CRACDL: variants seen among roughly 807,000 people sequenced by gnomAD.
CRACDL encodes the protein CRACD-like protein.
Under a neutral mutation model 70.6 loss-of-function variants are expected in CRACDL, and 26 were observed. The observed-to-expected ratio is 0.37, with a 90% CI of 0.27 to 0.51. The LOEUF is 0.51. Among genes scored for constraint, CRACDL ranks in the 20% least tolerant of loss-of-function variants. The pLI, the probability that CRACDL is intolerant of heterozygous loss-of-function variation, is 0.94. For synonymous variants in CRACDL, 618 were observed against 615.2 expected, an observed-to-expected ratio of 1.00 and a Z score of -0.07; for missense variants, 1,283 against 1,376.9, an observed-to-expected ratio of 0.93 and a Z score of 1.08.
At chr2:98,898,733 G>T (rs1170254456) in intron 1 of CRACDL, among the ~76,000 whole-genome samples, 1 of 152,204 alleles carries the variant, frequency 6.6e-6, no homozygotes, top group Non-Finnish European at 1.5e-5. Flanking sequence ...GGGAGGCCAC[G>T]TGTCCCATCC....
rs1703779902 is a variant in CRACDL at position 98,795,453 on chromosome 2, T to C, written c.2749+667A>G. Among the ~76,000 whole-genome samples, 3 of 151,996 alleles carry C rather than the reference T, an allele frequency of 2.0e-5. No homozygotes were observed. In the South Asian group the frequency reaches 6.2e-4, roughly 32 times the overall value. ...GCTATGCTCAGTGAAAGACGCCAGA[T>C]ATAAAAGGGTACATACGTTAGGATT... On this transcript the variant is annotated intron_variant, in intron 9 of 9. Transcript: ENST00000397899.
chr2:98,836,005 T>C (rs1705763122), intron 3 of CRACDL, among the ~76,000 whole-genome samples: 1 of 152,082 alleles, frequency 6.6e-6, no homozygotes, highest in South Asian at 2.1e-4. Flanking sequence ...TCGAATGATG[T>C]ACCGGGAATT....
chr2:98,923,202 CG>C (rs1708843906), intron 1 of CRACDL, among the ~76,000 whole-genome samples: 1 of 147,198 alleles, frequency 6.8e-6, no homozygotes, highest in Non-Finnish European at 1.5e-5. Flanking sequence ...ACCCAGGAGG[CG>C]AAAGTTGCAG....
At chr2:98,851,145 C>T (rs1706465624) in intron 1 of CRACDL, among the ~76,000 whole-genome samples, 1 of 152,156 alleles carries the variant, frequency 6.6e-6, no homozygotes, top group Non-Finnish European at 1.5e-5. Context: ...CGGTACCGTT[C>T]TTTCACATTG....
At chr2:98,837,063 C>T (rs780268909) in intron 3 of CRACDL, among the ~76,000 whole-genome samples, 11 of 144,224 alleles carry the variant, frequency 7.6e-5, no homozygotes, top group Non-Finnish European at 1.0e-4. Context: ...CCAGCCTGGG[C>T]GACAGAGCGA....
intron 1 of CRACDL, among the ~76,000 whole-genome samples, chr2:98,852,336 C>G (rs1706513295): frequency 6.6e-6 from 1 of 152,166 alleles, no homozygotes; most frequent in Non-Finnish European, 1.5e-5. Flanking sequence ...AGACAGAGTT[C>G]ACAGGTAACA....
chr2:98,859,090 C>T (rs865925319), intron 1 of CRACDL, among the ~76,000 whole-genome samples: 5 of 152,164 alleles, frequency 3.3e-5, no homozygotes, highest in African/African-American at 1.2e-4. Flanking sequence ...CCTTCACAAA[C>T]GCCTCTCAAA....
chr2:98,806,579 C>T (rs1234582714), intron 7 of CRACDL, among the ~76,000 whole-genome samples: 1 of 152,220 alleles, frequency 6.6e-6, no homozygotes, highest in East Asian at 1.9e-4. Flanking sequence ...GCTAAACTGC[C>T]GCTGCCTGTG....
intron 8 of CRACDL, among the ~76,000 whole-genome samples, chr2:98,796,577 A>G (rs1277802808): frequency 1.3e-5 from 2 of 152,238 alleles, no homozygotes; most frequent in Non-Finnish European, 1.5e-5. Context: ...TGTGATTTTT[A>G]TGACAGTTGG....
chr2:98,883,196 T>C (rs1707704973), intron 1 of CRACDL, among the ~76,000 whole-genome samples: 1 of 152,120 alleles, frequency 6.6e-6, no homozygotes, highest in Non-Finnish European at 1.5e-5. Flanking sequence ...TCTGTGCCCA[T>C]TGGGAGCAGG....
chr2:98,908,634 G>T (rs950896338), intron 1 of CRACDL: 9 of 152,272 alleles, frequency 5.9e-5, no homozygotes, highest in Non-Finnish European at 8.8e-5. Flanking sequence ...ATTAAGGTCT[G>T]TCCCCTCCCT....
rs1291962340 is a variant in CRACDL, at chr2:98,822,535, G to C, written c.1738C>G (p.Arg580Gly). ...GAKKFSVSSC[R>G]ARPRPGVSRP... ...GAGACGCCCGGACGAGGCCGCGCTC[G>C]GCACGAGGACACCGAGAACTTCTTC... is the stretch of plus-strand genomic sequence containing the variant. The change falls in exon 7 of 10, where the codon CGA becomes GGA. Residue 580 changes from arginine (R) to glycine (G), a missense_variant. Physicochemically the swap from Arg to Gly is moderately radical, Grantham distance 125. Coordinates refer to ENST00000397899, the MANE Select transcript of CRACDL (RefSeq NM_207362.3). This position sits in a 1 kb window ranked among gnomAD's most constrained non-coding sequence, Gnocchi z 4.9. 3.4e-6 allele frequency: 5 copies of C among 1,462,140 alleles called. No individual in the cohort carries two copies. The highest frequency in any genetic ancestry group is 3.0e-5 in the East Asian group (1 of 33,142). The allele number at this position is 1,462,140 out of a possible 1,614,324, so 90.6% of individuals were successfully genotyped here.
chr2:98,807,920 A>T (rs1412275760), intron 7 of CRACDL, among the ~76,000 whole-genome samples: 1 of 152,174 alleles, frequency 6.6e-6, no homozygotes, highest in African/African-American at 2.4e-5. Flanking sequence ...AGTCTCAGCA[A>T]GATGCTATTT....
chr2:98,861,317 A>T (rs1706926506), intron 1 of CRACDL, among the ~76,000 whole-genome samples: 1 of 152,200 alleles, frequency 6.6e-6, no homozygotes, highest in Non-Finnish European at 1.5e-5. Context: ...ACTGCACTCC[A>T]GCGTGGGTGA....
At chr2:98,811,233 C>T (rs369232181) in intron 7 of CRACDL, among the ~76,000 whole-genome samples, 3 of 151,546 alleles carry the variant, frequency 2.0e-5, no homozygotes, top group Non-Finnish European at 4.4e-5. Context: ...TTATTCTGGC[C>T]GGGCATGGTG....
chr2:98,901,844 G>A (rs535484958), intron 1 of CRACDL, among the ~76,000 whole-genome samples: 1 of 152,176 alleles, frequency 6.6e-6, no homozygotes, highest in East Asian at 1.9e-4. Context: ...CAGCTTGCTG[G>A]GAACACACTG....
rs556921406 is a variant in CRACDL at position 98,914,919 on chromosome 2, G to T, written c.-11+21019C>A. ...GAAGGGGAAGGCTGCTCCCAGAGCA[G>T]GGCCCAGCCCCAGGAGATGCTGTTT... On this transcript the variant is annotated intron_variant, in intron 1 of 9. Coordinates refer to ENST00000397899, the MANE Select transcript of CRACDL (RefSeq NM_207362.3). Among the ~76,000 whole-genome samples, 17 of 152,354 alleles carry T rather than the reference G, an allele frequency of 1.1e-4. No homozygotes were observed. In the South Asian group the frequency reaches 3.3e-3, roughly 30 times the overall value.
chr2:98,861,306 C>T (rs976830910), intron 1 of CRACDL, among the ~76,000 whole-genome samples: 5 of 152,130 alleles, frequency 3.3e-5, no homozygotes, highest in Non-Finnish European at 7.4e-5. Context: ...GAGATCATGC[C>T]ACTGCACTCC....
At chr2:98,856,890 C>A (rs1706722069) in intron 1 of CRACDL, among the ~76,000 whole-genome samples, 1 of 152,112 alleles carries the variant, frequency 6.6e-6, no homozygotes, top group Non-Finnish European at 1.5e-5. Context: ...TGCAAATGAA[C>A]CAGTAAGATC....
Sources: gnomAD v4.1 joint callset for allele counts (sites outside exome capture counted in the v4.1 genomes callset) on GRCh38, gnomAD v4.1.1 for gene constraint, Gnocchi (gnomAD v3.1) non-coding constraint, MANE v1.5 for transcripts, NCBI Gene and HGNC (gene_info 2026-07-23, HGNC 2026-07-21) for gene names.